The following RAB11FIP4 variants were observed in gnomAD, a reference collection of about 807,000 sequenced individuals.
The protein encoded by RAB11FIP4 is rab11 family-interacting protein 4.
A neutral mutation model predicts 74.3 loss-of-function variants in RAB11FIP4; 23 were observed. The ratio of observed to expected loss-of-function variants is 0.31; its 90% CI spans 0.22 to 0.44. RAB11FIP4 has a LOEUF of 0.44. Ranked by LOEUF, RAB11FIP4 falls within the 20% of genes least tolerant of loss-of-function variation. RAB11FIP4 has a pLI of 1.00. For missense variants in RAB11FIP4, 630 were observed against 863.9 expected (o/e 0.73, Z 3.39); for synonymous variants, 360 against 359.9 (o/e 1.00, Z 0.00).
intron 3 of RAB11FIP4, among the ~76,000 whole-genome samples, chr17:31,486,132 G>T (rs2071898798): frequency 6.6e-6 from 1 of 152,092 alleles, no homozygotes; most frequent in Non-Finnish European, 1.5e-5. Context: ...TACTTGGGAG[G>T]CTGAGGCAGA....
intron 3 of RAB11FIP4, among the ~76,000 whole-genome samples, chr17:31,457,511 CT>C (rs2071590058): frequency 6.6e-6 from 1 of 152,132 alleles, no homozygotes; most frequent in Non-Finnish European, 1.5e-5. Flanking sequence ...CCAGTCCCCC[CT>C]GGAACTGGCT....
At chr17:31,494,716 A>T (rs1337672949) in intron 3 of RAB11FIP4, among the ~76,000 whole-genome samples, 1 of 152,014 alleles carries the variant, frequency 6.6e-6, no homozygotes. Flanking sequence ...CCCTCAGGTG[A>T]TCCTCCCACC....
At chr17:31,528,082 C>A (rs531762935) in intron 11 of RAB11FIP4, among the ~76,000 whole-genome samples, 159 bp downstream of exon 11, 1 of 152,366 alleles carries the variant, frequency 6.6e-6, no homozygotes, top group East Asian at 1.9e-4. Flanking sequence ...AAGTTTTCTA[C>A]AGCGAATGTA....
intron 3 of RAB11FIP4, among the ~76,000 whole-genome samples, chr17:31,455,660 T>G (rs1216913155): frequency 9.5e-6 from 1 of 104,942 alleles, no homozygotes; most frequent in East Asian, 2.9e-4. Context: ...GATAATGTGT[T>G]GATAATTGGT....
intron 1 of RAB11FIP4, among the ~76,000 whole-genome samples, chr17:31,403,471 C>T (rs1231377625): frequency 6.6e-6 from 1 of 151,944 alleles, no homozygotes; most frequent in Non-Finnish European, 1.5e-5. Flanking sequence ...TACAGGAGTG[C>T]ACCACCACAC....
intron 3 of RAB11FIP4, among the ~76,000 whole-genome samples, chr17:31,445,526 C>A (rs2142692541): frequency 9.1e-6 from 1 of 109,650 alleles, no homozygotes; most frequent in African/African-American, 3.5e-5. Context: ...TCAAATTTTC[C>A]CAATTTTATA....
chr17:31,452,796 A>G (rs918783530), intron 3 of RAB11FIP4, among the ~76,000 whole-genome samples: 1 of 152,198 alleles, frequency 6.6e-6, no homozygotes, highest in Admixed American at 6.5e-5. Context: ...GTGACAGACA[A>G]GACGGATTCT....
At chr17:31,457,288 A>G (rs1237431822) in intron 3 of RAB11FIP4, among the ~76,000 whole-genome samples, 1 of 152,050 alleles carries the variant, frequency 6.6e-6, no homozygotes, top group Non-Finnish European at 1.5e-5. Flanking sequence ...TGACCAAGTT[A>G]CTTGGTCCCT....
At position 31,512,344 on chromosome 17, in the gene RAB11FIP4, G is replaced by T. The variant is rs2142795321; in HGVS notation, c.337-5307G>T. On this transcript the variant is annotated intron_variant, in intron 3 of 14. Transcript: ENST00000621161. This position sits in a 1 kb window ranked among gnomAD's most constrained non-coding sequence, Gnocchi z 4.1. ...GAGGAGCCAGGTGCTCACAAAGGTGGTCACTTGTCCAAGGTCACATGGCTT... is the reference window on the plus strand; with the variant it reads ...GAGGAGCCAGGTGCTCACAAAGGTGTTCACTTGTCCAAGGTCACATGGCTT... Among the ~76,000 whole-genome samples the T allele has an allele frequency of 6.6e-6, 1 of 152,308 alleles. No homozygotes were observed. Among genetic ancestry groups the T allele is most frequent in the Admixed American group, 6.5e-5 (1 of 15,302 alleles).
Position 31,523,873 on chromosome 17 carries a change from A to AC in RAB11FIP4, c.1030-16dup. Reference sequence around the variant, plus strand: ...TGGCCTCAGAGGTCTTCTCCACCCCACCCCGGCCCCCTGCTGCAGGTAAGC... The same window carrying AC: ...TGGCCTCAGAGGTCTTCTCCACCCCACCCCCGGCCCCCTGCTGCAGGTAAGC... On this transcript the variant is annotated intron_variant, in intron 8 of 14. Transcript: ENST00000621161. 6.5e-7 allele frequency: 1 copy of AC among 1,537,476 alleles called. No homozygotes were observed. Among genetic ancestry groups the AC allele is most frequent in the Non-Finnish European group, 8.9e-7 (1 of 1,120,116 alleles).
intron 13 of RAB11FIP4, among the ~76,000 whole-genome samples, chr17:31,530,000 C>G (rs928586861): frequency 6.6e-6 from 1 of 152,192 alleles, no homozygotes; most frequent in Non-Finnish European, 1.5e-5. Flanking sequence ...ACTTCCTTCA[C>G]TGGGCTGCTG....
chr17:31,536,124 G>A lies in RAB11FIP4; in HGVS notation c.*4392G>A, dbSNP rs1206779627. 2.0e-5 allele frequency: 3 copies of A among 152,162 alleles called. No homozygotes were observed. Among genetic ancestry groups the A allele is most frequent in the Non-Finnish European group, 4.4e-5 (3 of 68,064 alleles). 9.4% of individuals were successfully genotyped at this position (152,162 alleles called of 1,614,324 possible). A position where few individuals can be genotyped will look rare whatever the true frequency, so the allele number is the denominator to read the frequency against. On this transcript the variant is annotated 3_prime_UTR_variant, in exon 15 of 15. Transcript: ENST00000621161. ...AGCCTCCAGGGGCCAGCAGGGCCAG[G>A]TGAAACTGGGAGAAATGAAGCCCTC...
At chr17:31,415,980 G>A (rs1276486223) in intron 1 of RAB11FIP4, among the ~76,000 whole-genome samples, 1 of 152,014 alleles carries the variant, frequency 6.6e-6, no homozygotes, top group Non-Finnish European at 1.5e-5. Context: ...TCGTCACAGC[G>A]GTCCTGTGAG....
At chr17:31,431,680 C>A in intron 1 of RAB11FIP4, 133 bp from the exon 2 acceptor site, 2 of 706,862 alleles carry the variant, frequency 2.8e-6, no homozygotes, top group African/African-American at 3.7e-5. Flanking sequence ...CTGATACTGA[C>A]CCCAGGGTGA....
chr17:31,425,862 C>T (rs935834259), intron 1 of RAB11FIP4, among the ~76,000 whole-genome samples: 8 of 152,192 alleles, frequency 5.3e-5, no homozygotes, highest in African/African-American at 1.9e-4. Flanking sequence ...GGGGCGGCCC[C>T]CAGCTCCCCT....
At chr17:31,406,199 A>G (rs1297858024) in intron 1 of RAB11FIP4, among the ~76,000 whole-genome samples, 2 of 152,226 alleles carry the variant, frequency 1.3e-5, no homozygotes, top group East Asian at 3.8e-4. Flanking sequence ...GAAAGCCTGG[A>G]GGAGGAGTCC....
chr17:31,517,544 C>A, intron 3 of RAB11FIP4, 107 bp from the exon 4 acceptor site: 1 of 1,066,798 alleles, frequency 9.4e-7, no homozygotes. Flanking sequence ...GCCTCCTGTA[C>A]CCAATCCCTG....
At chr17:31,513,830 T>C (rs1204377389) in intron 3 of RAB11FIP4, among the ~76,000 whole-genome samples, 1 of 151,886 alleles carries the variant, frequency 6.6e-6, no homozygotes, top group Non-Finnish European at 1.5e-5. Flanking sequence ...GAGGACTTGG[T>C]GTGTCAGCCG....
chr17:31,521,887 G>C, intron 5 of RAB11FIP4, 28 bp from the exon 6 acceptor site: 2 of 1,613,820 alleles, frequency 1.2e-6, no homozygotes, highest in South Asian at 2.2e-5. Context: ...AGCAGTTAAG[G>C]TGGTGATTCC....
Sources: allele counts gnomAD v4.1 joint callset (sites outside exome capture counted in the v4.1 genomes callset), GRCh38; gene constraint gnomAD v4.1.1; non-coding constraint Gnocchi (gnomAD v3.1); transcripts MANE v1.5; gene names NCBI Gene and HGNC (gene_info 2026-07-23, HGNC 2026-07-21).